ANO3: variants seen among roughly 807,000 people sequenced by gnomAD.
The protein encoded by ANO3 is anoctamin-3.
In ANO3, 99 loss-of-function variants were observed where a neutral mutation model predicts 144.8. The ratio of observed to expected loss-of-function variants is 0.68; its 90% CI spans 0.58 to 0.81. The LOEUF (loss-of-function observed/expected upper bound fraction) is 0.81. ANO3 is among the 30% of genes least tolerant of loss of function. ANO3 has a pLI of 0.00. For missense variants in ANO3, 905 were observed against 1,202.2 expected (o/e 0.75, Z 3.66); for synonymous variants, 414 against 392.6 (o/e 1.05, Z -0.64).
chr11:26,349,623 A>G (rs1855585436), intron 1 of ANO3, among the ~76,000 whole-genome samples: 1 of 151,842 alleles, frequency 6.6e-6, no homozygotes, highest in Non-Finnish European at 1.5e-5. Context: ...ATCTCAGCTC[A>G]CTGCAAGCTC....
At chr11:26,283,359 T>C (rs1853727286) in intron 1 of ANO3, among the ~76,000 whole-genome samples, 1 of 107,630 alleles carries the variant, frequency 9.3e-6, no homozygotes, top group South Asian at 3.1e-4. Flanking sequence ...TATATATATA[T>C]ATATATAGCG....
chr11:26,387,618 T>C (rs74974080), intron 1 of ANO3, among the ~76,000 whole-genome samples: 4,593 of 152,264 alleles, frequency 0.03, 86 homozygotes, highest in East Asian at 0.12. Flanking sequence ...ATGTTATTTT[T>C]CCAATATCTA....
intron 1 of ANO3, among the ~76,000 whole-genome samples, chr11:26,192,220 G>C (rs546760231): frequency 6.6e-6 from 1 of 152,220 alleles, no homozygotes; most frequent in South Asian, 2.1e-4. Context: ...GAACTTTCCA[G>C]AATCTATTTT....
intron 3 of ANO3, among the ~76,000 whole-genome samples, chr11:26,457,116 C>A (rs1347559186): frequency 1.4e-5 from 2 of 147,524 alleles, no homozygotes; most frequent in East Asian, 2.1e-4. Flanking sequence ...GGGAGATATA[C>A]CTAATGCTAG....
intron 1 of ANO3, among the ~76,000 whole-genome samples, chr11:26,254,846 G>T (rs1195891551): frequency 2.0e-5 from 3 of 152,148 alleles, no homozygotes; most frequent in East Asian, 1.9e-4. Context: ...CATATTCCCG[G>T]CATTACAGTA....
intron 1 of ANO3, among the ~76,000 whole-genome samples, chr11:26,392,016 T>C (rs1209200293): frequency 6.6e-6 from 1 of 152,110 alleles, no homozygotes; most frequent in Non-Finnish European, 1.5e-5. Flanking sequence ...TGTTTCCTAA[T>C]GAATCCTCTT....
intron 1 of ANO3, among the ~76,000 whole-genome samples, chr11:26,373,373 G>A (rs1307169183): frequency 2.0e-5 from 3 of 152,002 alleles, no homozygotes; most frequent in Non-Finnish European, 4.4e-5. Context: ...TTCCTTCTTC[G>A]CTCTTCACAC....
At chr11:26,308,880 C>T (rs1854442875), upstream of ANO3, among the ~76,000 whole-genome samples, 1 of 152,116 alleles carries the variant, frequency 6.6e-6, no homozygotes, top group Non-Finnish European at 1.5e-5. Flanking sequence ...GCTAAACAGC[C>T]TATGCACATT....
intron 1 of ANO3, among the ~76,000 whole-genome samples, chr11:26,439,122 A>G (rs1213018493): frequency 6.6e-6 from 1 of 152,236 alleles, no homozygotes; most frequent in Non-Finnish European, 1.5e-5. Flanking sequence ...GGATATCCAC[A>G]TGGAAAAGAA....
intron 21 of ANO3, among the ~76,000 whole-genome samples, chr11:26,640,147 G>A (rs1362192885): frequency 6.6e-6 from 1 of 152,080 alleles, no homozygotes; most frequent in Non-Finnish European, 1.5e-5. Flanking sequence ...TTAGAGTATA[G>A]GCTGTGGAAT....
chr11:26,290,818 C>G (rs1853939209), intron 1 of ANO3, among the ~76,000 whole-genome samples: 1 of 152,126 alleles, frequency 6.6e-6, no homozygotes. Flanking sequence ...GTGAGGAGTG[C>G]TTTACTTCCA....
At chr11:26,193,076 C>T (rs985630212) in intron 1 of ANO3, among the ~76,000 whole-genome samples, 5 of 151,204 alleles carry the variant, frequency 3.3e-5, no homozygotes, top group Admixed American at 2.0e-4. Context: ...CTCTCCCTGC[C>T]GTTGCCCCCC....
At chr11:26,311,025 A>G (rs1854490412) in intron 1 of ANO3, among the ~76,000 whole-genome samples, 1 of 152,148 alleles carries the variant, frequency 6.6e-6, no homozygotes, top group Admixed American at 6.5e-5. Flanking sequence ...AATAATACAT[A>G]CAGGTCATTA....
chr11:26,643,722 C>A (rs534433477), intron 23 of ANO3, among the ~76,000 whole-genome samples: 1 of 56,848 alleles, frequency 1.8e-5, no homozygotes, highest in African/African-American at 4.2e-5. Flanking sequence ...GTGAAACTCC[C>A]TCTCAAAAAA....
intron 1 of ANO3, among the ~76,000 whole-genome samples, chr11:26,413,803 G>T (rs1857495882): frequency 6.6e-6 from 1 of 151,954 alleles, no homozygotes. Context: ...CTATGTTCAG[G>T]TCTGTGAGAA....
At chr11:26,632,540 A>G (rs1354554234) in intron 18 of ANO3, among the ~76,000 whole-genome samples, 1 of 147,314 alleles carries the variant, frequency 6.8e-6, no homozygotes, top group Non-Finnish European at 1.5e-5. Flanking sequence ...TTATATATAT[A>G]TAAAATATAT....
rs111594806 is a variant in ANO3, at chr11:26,525,798, G to T, written c.737+119G>T. The T allele has an allele frequency of 1.6e-3, 1,098 of 701,456 alleles. 13 individuals are homozygous for T. In the African/African-American group the frequency reaches 0.019, roughly 12 times the overall value. 43.5% of individuals were successfully genotyped at this position (701,456 alleles called of 1,614,324 possible). A position where few individuals can be genotyped will look rare whatever the true frequency, so the allele number is the denominator to read the frequency against. On this transcript the variant is annotated intron_variant, in intron 7 of 26. Transcript: ENST00000256737. ...ATAGGAAGAAAAATTCTATTGATTT[G>T]TCGAAGATATTTCCAAAATAACTTA... is the stretch of plus-strand genomic sequence containing the variant.
chr11:26,584,620 TA>T (rs1196191403), intron 14 of ANO3, among the ~76,000 whole-genome samples: 3 of 152,246 alleles, frequency 2.0e-5, no homozygotes, highest in South Asian at 2.1e-4. Context: ...AAAAAAAGAC[TA>T]AAAAAACTTC....
chr11:26,633,964 G>A (rs1852866485), intron 18 of ANO3, among the ~76,000 whole-genome samples: 1 of 151,560 alleles, frequency 6.6e-6, no homozygotes, highest in African/African-American at 2.4e-5. Context: ...TATAATCCCA[G>A]CTACTTGGGA....
Sources: allele counts gnomAD v4.1 joint callset (sites outside exome capture counted in the v4.1 genomes callset), GRCh38; gene constraint gnomAD v4.1.1; transcripts MANE v1.5; gene names NCBI Gene and HGNC (gene_info 2026-07-23, HGNC 2026-07-21).